ELAPOR1: variants seen among roughly 807,000 people sequenced by gnomAD.
ELAPOR1 encodes endosome/lysosome-associated apoptosis and autophagy regulator 1.
ELAPOR1 carries 77 observed loss-of-function variants against 119.7 expected under a neutral mutation model. That is an observed-to-expected ratio of 0.64 (90% CI 0.54 to 0.78). The LOEUF (loss-of-function observed/expected upper bound fraction) is 0.78. Ranked by LOEUF, ELAPOR1 falls within the 30% of genes least tolerant of loss-of-function variation. The pLI is 0.00. For missense variants in ELAPOR1, 1,115 were observed against 1,270.4 expected (o/e 0.88, Z 1.86); for synonymous variants, 481 against 487.2 (o/e 0.99, Z 0.17).
At chr1:109,183,764 G>A (rs1652888175) in intron 7 of ELAPOR1, among the ~76,000 whole-genome samples, 1 of 151,926 alleles carries the variant, frequency 6.6e-6, no homozygotes, top group Non-Finnish European at 1.5e-5. Flanking sequence ...CTATAGGCCT[G>A]CACCACCACG....
At position 109,200,146 on chromosome 1, in the gene ELAPOR1, G is replaced by C. The variant is rs200934846; in HGVS notation, c.2716G>C (p.Asp906His). The change falls in exon 20 of 22, where the codon GAT becomes CAT. Residue 906 changes from aspartate (D) to histidine (H), a missense_variant. Transcript: ENST00000369939. ...GAGAGTCACCATCTGCAAAACCATA[G>C]ATTTCTGGCTGAAAGTGGGCATCTC... ...EQRVTICKTI[D>H]FWLKVGISAG... 16 of 1,614,100 alleles carry C rather than the reference G, an allele frequency of 9.9e-6. No homozygotes were observed. The South Asian group carries it at 1.8e-4, about 18-fold the overall frequency.
chr1:109,141,912 G>A (rs1217407110), intron 1 of ELAPOR1, among the ~76,000 whole-genome samples: 6 of 151,816 alleles, frequency 4.0e-5, no homozygotes, highest in East Asian at 1.9e-4. Flanking sequence ...TGATCCTTCC[G>A]CCTTGGCCTC....
Position 109,189,186 on chromosome 1 carries a change from G to T in ELAPOR1, c.1340G>T (p.Gly447Val), listed in dbSNP as rs1416961565. The change falls in exon 10 of 22, where the codon GGC becomes GTC. Residue 447 changes from glycine to valine, a missense_variant. Gly to Val is a moderately radical substitution (Grantham distance 109, BLOSUM62 -3). Transcript: ENST00000369939. ...AGTGGGATCAACTTCGAGTACAAGGGCATGACAGGTAATTGCCTCTCCCTG... is the reference window on the plus strand; with the variant it reads ...AGTGGGATCAACTTCGAGTACAAGGTCATGACAGGTAATTGCCTCTCCCTG... Reference protein sequence around the residue: ...VLSGINFEYKGMTGWEVAGDH... With the variant: ...VLSGINFEYKVMTGWEVAGDH... 2 of 1,613,544 alleles carry T rather than the reference G, an allele frequency of 1.2e-6. No homozygotes were observed. Among genetic ancestry groups the T allele is most frequent in the Non-Finnish European group, 1.7e-6 (2 of 1,179,832 alleles).
chr1:109,199,826 A>C (rs201495660), intron 18 of ELAPOR1, 28 bp from the exon 19 acceptor site: 1 of 1,605,770 alleles, frequency 6.2e-7, no homozygotes, highest in East Asian at 2.2e-5. Flanking sequence ...AGCGAGTGAG[A>C]GCTCAGGTCT....
At chr1:109,137,277 C>A (rs1048471757) in intron 1 of ELAPOR1, among the ~76,000 whole-genome samples, 2 of 150,844 alleles carry the variant, frequency 1.3e-5, no homozygotes, top group African/African-American at 4.9e-5. Flanking sequence ...GATCTCGGCT[C>A]ACTGCAACCT....
intron 5 of ELAPOR1, among the ~76,000 whole-genome samples, 170 bp downstream of exon 5, chr1:109,172,738 G>T (rs1651996408): frequency 6.6e-6 from 1 of 152,182 alleles, no homozygotes; most frequent in African/African-American, 2.4e-5. Flanking sequence ...ACAGAATATG[G>T]GTGTGAGCTG....
intron 1 of ELAPOR1, among the ~76,000 whole-genome samples, chr1:109,124,894 C>T (rs1000295161): frequency 6.6e-6 from 1 of 152,156 alleles, no homozygotes; most frequent in African/African-American, 2.4e-5. Context: ...TTTCTGGCTC[C>T]TCACTCTACC....
chr1:109,163,421 G>T (rs1651385100), intron 2 of ELAPOR1, among the ~76,000 whole-genome samples: 1 of 152,124 alleles, frequency 6.6e-6, no homozygotes, highest in Non-Finnish European at 1.5e-5. Context: ...TAAAGACAAG[G>T]TCTCACTCTG....
At chr1:109,152,048 AT>A (rs918562452) in intron 1 of ELAPOR1, among the ~76,000 whole-genome samples, 1 of 151,634 alleles carries the variant, frequency 6.6e-6, no homozygotes, top group Non-Finnish European at 1.5e-5. Flanking sequence ...TAATTTTTAT[AT>A]TTTTTTGTAG....
At chr1:109,124,527 G>A (rs1172292078) in intron 1 of ELAPOR1, among the ~76,000 whole-genome samples, 1 of 152,160 alleles carries the variant, frequency 6.6e-6, no homozygotes, top group Non-Finnish European at 1.5e-5. Flanking sequence ...TGCATATATA[G>A]TTGTAAACAT....
chr1:109,161,561 G>A (rs1651261392), intron 1 of ELAPOR1: 2 of 174,106 alleles, frequency 1.1e-5, no homozygotes, highest in Admixed American at 1.2e-4. Flanking sequence ...CTACACTTTG[G>A]AATAAGAAAA....
intron 3 of ELAPOR1, among the ~76,000 whole-genome samples, chr1:109,170,985 T>A (rs1651884859): frequency 6.6e-6 from 1 of 152,146 alleles, no homozygotes; most frequent in African/African-American, 2.4e-5. Flanking sequence ...ATAGTAGACA[T>A]TTCTGGAAAA....
intron 4 of ELAPOR1, among the ~76,000 whole-genome samples, 186 bp from the exon 5 acceptor site, chr1:109,172,302 C>T (rs929291194): frequency 1.3e-5 from 2 of 152,216 alleles, no homozygotes; most frequent in Admixed American, 6.5e-5. Context: ...TGTCAACGCT[C>T]ATTTTGTGTG....
intron 1 of ELAPOR1, among the ~76,000 whole-genome samples, chr1:109,116,445 G>C (rs1357478091): frequency 6.6e-6 from 1 of 152,192 alleles, no homozygotes; most frequent in Non-Finnish European, 1.5e-5. Context: ...CCCCATGCCA[G>C]ATTGGAAATG....
intron 1 of ELAPOR1, among the ~76,000 whole-genome samples, chr1:109,151,398 G>A (rs956439967): frequency 2.0e-5 from 3 of 152,140 alleles, no homozygotes; most frequent in South Asian, 2.1e-4. Flanking sequence ...AATGGGAAAC[G>A]TCCTCTTCCC....
Position 109,198,551 on chromosome 1 carries a change from T to C in ELAPOR1, c.2400-22T>C, listed in dbSNP as rs557327103. On this transcript the variant is annotated intron_variant, in intron 17 of 21. Transcript: ENST00000369939. ...CACAGCTGAGTGACTCATTCCCTCA[T>C]GGGGGCTGGCTTTCTCTGCAGGTCC... 9.4e-6 allele frequency: 15 copies of C among 1,603,626 alleles called. No individual in the cohort carries two copies. In the East Asian group the frequency reaches 2.7e-4, roughly 29 times the overall value.
Position 109,200,068 on chromosome 1 carries a change from T to TA in ELAPOR1, c.2639dup (p.Tyr880Ter). Reference protein sequence around the residue: ...SCVAGIQKTTYVWREPKLCSG... With the variant: ...SCVAGIQKTT ...TTTTTCTCCCCAACAGAAGACTACTTACGTGTGGCGAGAACCCAAGCTATG... is the reference window on the plus strand; with the variant it reads ...TTTTTCTCCCCAACAGAAGACTACTTAACGTGTGGCGAGAACCCAAGCTATG... Residue 880 changes from tyrosine (Y) to a stop codon, truncating the protein, a stop_gained and frameshift_variant, in exon 20 of 22, where the codon TAC (tyrosine) becomes TAAC (stop). Transcript: ENST00000369939. LOFTEE classifies it high-confidence loss of function. 1 of 1,614,118 alleles carries TA rather than the reference T, an allele frequency of 6.2e-7. No individual in the cohort carries two copies.
At chr1:109,115,445 A>C (rs1186686100) in intron 1 of ELAPOR1, among the ~76,000 whole-genome samples, 1 of 152,216 alleles carries the variant, frequency 6.6e-6, no homozygotes, top group Non-Finnish European at 1.5e-5. Flanking sequence ...TTACTTTAAA[A>C]AATATATGTT....
In ELAPOR1 at chr1:109,135,306, G is replaced by T. The variant is rs1024234924; in HGVS notation, c.153+20970G>T. 3.3e-5 allele frequency among the ~76,000 whole-genome samples: 5 copies of T among 152,010 alleles called. 1 individual carries two copies. The highest frequency in any genetic ancestry group is 3.3e-4 in the Admixed American group (5 of 15,252). Reference sequence around the variant, plus strand: ...TCCCCGAGGCTAGAGTGAAGTTGCGGGATCTCGGCTCACTGCAACTTCCAC... The same window carrying T: ...TCCCCGAGGCTAGAGTGAAGTTGCGTGATCTCGGCTCACTGCAACTTCCAC... On this transcript the variant is annotated intron_variant, in intron 1 of 21. Transcript: ENST00000369939.
Sources: gnomAD v4.1 joint callset for allele counts (sites outside exome capture counted in the v4.1 genomes callset) on GRCh38, gnomAD v4.1.1 for gene constraint, MANE v1.5 for transcripts, NCBI Gene and HGNC (gene_info 2026-07-23, HGNC 2026-07-21) for gene names.